The following GOLIM4 variants were observed in gnomAD, a reference collection of about 807,000 sequenced individuals.
The protein encoded by GOLIM4 is golgi integral membrane protein 4, also known as 130 kDa golgi-localized phosphoprotein.
In GOLIM4, 71 loss-of-function variants were observed where a neutral mutation model predicts 107.4. The ratio of observed to expected loss-of-function variants is 0.66; its 90% CI spans 0.55 to 0.81. The LOEUF is 0.81. Ranked by LOEUF, GOLIM4 falls within the 30% of genes least tolerant of loss-of-function variation. The pLI is 0.00. For synonymous variants in GOLIM4, 327 were observed against 294.8 expected (o/e 1.11, Z -1.12); for missense variants, 830 against 826.1 (o/e 1.00, Z -0.06).
At chr3:168,085,789 A>G (rs1396370078) in intron 1 of GOLIM4, among the ~76,000 whole-genome samples, 1 of 152,174 alleles carries the variant, frequency 6.6e-6, no homozygotes, top group Non-Finnish European at 1.5e-5. Context: ...TCAAATTCCT[A>G]TTGACAGGTG....
chr3:168,050,646 T>G (rs1329475336), intron 1 of GOLIM4, among the ~76,000 whole-genome samples: 4 of 152,016 alleles, frequency 2.6e-5, no homozygotes, highest in African/African-American at 7.2e-5. Flanking sequence ...GGTAGAAAGT[T>G]ATAAGGGCAT....
At chr3:168,023,342 G>A (rs1243525145) in intron 14 of GOLIM4, among the ~76,000 whole-genome samples, 1 of 152,192 alleles carries the variant, frequency 6.6e-6, no homozygotes, top group African/African-American at 2.4e-5. Flanking sequence ...TGATTAGGAT[G>A]AGAAACCAAA....
At chr3:168,075,145 A>T (rs899924817) in intron 1 of GOLIM4, among the ~76,000 whole-genome samples, 1 of 152,196 alleles carries the variant, frequency 6.6e-6, no homozygotes, top group Admixed American at 6.5e-5. Flanking sequence ...AAAAAAATTA[A>T]TAAAACAGAG....
chr3:168,039,130 A>T (rs1018177382), intron 7 of GOLIM4, among the ~76,000 whole-genome samples: 8 of 152,120 alleles, frequency 5.3e-5, no homozygotes, highest in Non-Finnish European at 8.8e-5. Flanking sequence ...AAAGTAACTA[A>T]CACATATGGC....
At chr3:168,083,468 G>T (rs1349939692) in intron 1 of GOLIM4, among the ~76,000 whole-genome samples, 1 of 152,166 alleles carries the variant, frequency 6.6e-6, no homozygotes, top group East Asian at 1.9e-4. Context: ...TACTGACTGG[G>T]TTTATTCAAA....
intron 1 of GOLIM4, among the ~76,000 whole-genome samples, chr3:168,092,243 A>C (rs1721951713): frequency 1.3e-5 from 2 of 152,170 alleles, no homozygotes; most frequent in Non-Finnish European, 2.9e-5. Context: ...CCTCTGTCCC[A>C]CTCCTCAGTA....
chr3:168,051,030 T>G (rs1479282417), intron 1 of GOLIM4, among the ~76,000 whole-genome samples: 1 of 152,034 alleles, frequency 6.6e-6, no homozygotes, highest in Non-Finnish European at 1.5e-5. Context: ...GCTGTTTACT[T>G]AATACAATGC....
chr3:168,082,572 G>T (rs919034276), intron 1 of GOLIM4, among the ~76,000 whole-genome samples: 3 of 152,108 alleles, frequency 2.0e-5, no homozygotes, highest in Non-Finnish European at 2.9e-5. Context: ...CAAAAGATAC[G>T]AGAGAAAGAA....
At chr3:168,087,583 A>C (rs1721690659) in intron 1 of GOLIM4, among the ~76,000 whole-genome samples, 1 of 152,096 alleles carries the variant, frequency 6.6e-6, no homozygotes. Flanking sequence ...CAAATAGTAC[A>C]CCCGTTATTT....
At chr3:168,091,555 G>A (rs534396349) in intron 1 of GOLIM4, among the ~76,000 whole-genome samples, 20 of 152,262 alleles carry the variant, frequency 1.3e-4, no homozygotes, top group Non-Finnish European at 2.4e-4. Flanking sequence ...ACAATAAAAG[G>A]AGGTGGTTAG....
intron 1 of GOLIM4, among the ~76,000 whole-genome samples, chr3:168,090,476 C>T (rs1279136423): frequency 1.3e-5 from 2 of 152,208 alleles, no homozygotes; most frequent in Non-Finnish European, 2.9e-5. Flanking sequence ...GAGATACCAT[C>T]TTACACTAGT....
At chr3:168,040,116 C>T (rs923719466) in intron 7 of GOLIM4, among the ~76,000 whole-genome samples, 1 of 152,136 alleles carries the variant, frequency 6.6e-6, no homozygotes, top group Non-Finnish European at 1.5e-5. Flanking sequence ...CTAGCCATTC[C>T]TGTTTCCTTC....
chr3:168,075,322 A>G (rs1268002221), intron 1 of GOLIM4, among the ~76,000 whole-genome samples: 2 of 96,780 alleles, frequency 2.1e-5, no homozygotes, highest in Non-Finnish European at 3.7e-5. Context: ...TTTGAGACGG[A>G]GTCTCGCTCT....
At chr3:168,042,768 A>G (rs568301385) in intron 5 of GOLIM4, among the ~76,000 whole-genome samples, 4 of 152,350 alleles carry the variant, frequency 2.6e-5, no homozygotes, top group South Asian at 2.1e-4. Context: ...ACTACTCTAC[A>G]TGCTTTATGT....
chr3:168,049,731 C>T (rs542898698), intron 1 of GOLIM4, among the ~76,000 whole-genome samples: 1 of 152,288 alleles, frequency 6.6e-6, no homozygotes, highest in African/African-American at 2.4e-5. Context: ...CAATCCCTTG[C>T]TGCTTAAGGG....
At chr3:168,080,614 C>CA (rs144328987) in intron 1 of GOLIM4, among the ~76,000 whole-genome samples, 7,985 of 152,032 alleles carry the variant, frequency 0.053, 683 homozygotes, top group African/African-American at 0.18. Flanking sequence ...AACTTAGGTG[C>CA]TTCTATAGGC....
intron 13 of GOLIM4, 46 bp downstream of exon 13, chr3:168,024,882 T>C (rs1190105958): frequency 6.4e-7 from 1 of 1,552,224 alleles, no homozygotes; most frequent in Non-Finnish European, 8.9e-7. Flanking sequence ...AGATGTTTCT[T>C]AAAATAGCCC....
chr3:168,037,117 A>C (rs1366022786), intron 7 of GOLIM4, 123 bp from the exon 8 acceptor site: 1 of 534,804 alleles, frequency 1.9e-6, no homozygotes, highest in African/African-American at 2.0e-5. Context: ...AAAAACATAC[A>C]GATTGTTTCC....
chr3:168,057,121 C>T (rs566745010), intron 1 of GOLIM4, among the ~76,000 whole-genome samples: 225 of 152,188 alleles, frequency 1.5e-3, no homozygotes, highest in African/African-American at 5.1e-3. Context: ...ATAAGTCTAA[C>T]GAGAGCTGAT....
Sources: gnomAD v4.1 joint callset for allele counts (sites outside exome capture counted in the v4.1 genomes callset) on GRCh38, gnomAD v4.1.1 for gene constraint, MANE v1.5 for transcripts, NCBI Gene and HGNC (gene_info 2026-07-23, HGNC 2026-07-21) for gene names.